The following DLEC1 variants were observed in gnomAD, a reference collection of about 807,000 sequenced individuals.
DLEC1 encodes the protein DLEC1 cilia and flagella associated protein.
DLEC1 carries 146 observed loss-of-function variants against 198.1 expected under a neutral mutation model. The ratio of observed to expected loss-of-function variants is 0.74; its 90% confidence interval spans 0.64 to 0.85. DLEC1 has a LOEUF of 0.85. DLEC1 is among the 40% of genes least tolerant of loss of function. The probability of loss-of-function intolerance (pLI) is 0.00; values close to 1 mark genes in which losing one functional copy is unlikely to be tolerated. For synonymous variants in DLEC1, 897 were observed against 866.8 expected (o/e 1.03, Z -0.61); for missense variants, 2,233 against 2,220.0 (o/e 1.01, Z -0.12).
At position 38,100,572 on chromosome 3, in the gene DLEC1, A is replaced by G. The variant is rs1288817206; in HGVS notation, c.2864+147A>G. 8 of 1,186,764 alleles carry G rather than the reference A, an allele frequency of 6.7e-6. No homozygotes were observed. In the African/African-American group the frequency reaches 7.8e-5, roughly 12 times the overall value. 73.5% of individuals were successfully genotyped at this position (1,186,764 alleles called of 1,614,324 possible). On this transcript the variant is annotated intron_variant, in intron 19 of 36. Coordinates refer to ENST00000308059, the MANE Select transcript of DLEC1 (RefSeq NM_007335.4). ...ATTCTATAAAATTTGTAAATTACAG[A>G]AAAGAAACTCAAAATGACGCATAAT...
At chr3:38,077,345 C>A (rs1697684411) in intron 6 of DLEC1, among the ~76,000 whole-genome samples, 1 of 152,182 alleles carries the variant, frequency 6.6e-6, no homozygotes, top group Non-Finnish European at 1.5e-5. Flanking sequence ...GGTCCAGTGT[C>A]TGGAATGAGA....
At chr3:38,062,859 A>T in intron 5 of DLEC1, 58 bp downstream of exon 5, 1 of 1,573,800 alleles carries the variant, frequency 6.4e-7, no homozygotes, top group South Asian at 1.1e-5. Context: ...GTTAACCTAG[A>T]TGGTCCTCCG....
chr3:38,072,121 T>C (rs1697351526), intron 6 of DLEC1, among the ~76,000 whole-genome samples: 1 of 152,084 alleles, frequency 6.6e-6, no homozygotes, highest in Admixed American at 6.5e-5. Context: ...ATCAGAGAGA[T>C]GCAGTCATGA....
Position 38,062,682 on chromosome 3 carries a change from C to T in DLEC1, c.975C>T (p.His325=). ...LLLARMESRN[H]FLKNPRFFPP... is the part of the protein sequence containing the mutation. Reference sequence around the variant, plus strand: ...TTGCCAGAATGGAGAGTCGGAACCACTTCCTAAAAAATCCCCGTTTTTTTC... The same window carrying T: ...TTGCCAGAATGGAGAGTCGGAACCATTTCCTAAAAAATCCCCGTTTTTTTC... The change falls in exon 5 of 37, where the codon CAC becomes CAT. Residue 325 remains histidine, a synonymous_variant. Coordinates refer to ENST00000308059, the MANE Select transcript of DLEC1 (RefSeq NM_007335.4). 1 of 1,614,134 alleles carries T rather than the reference C, an allele frequency of 6.2e-7. No individual in the cohort carries two copies. The highest frequency in any genetic ancestry group is 2.2e-5 in the East Asian group (1 of 44,884).
chr3:38,062,026 C>A, intron 3 of DLEC1, 143 bp from the exon 4 acceptor site: 1 of 776,522 alleles, frequency 1.3e-6, no homozygotes, highest in Non-Finnish European at 2.1e-6. Context: ...TGTTGAAGAG[C>A]AATTATAGCT....
intron 2 of DLEC1, among the ~76,000 whole-genome samples, chr3:38,050,494 A>G (rs1300402425): frequency 2.0e-5 from 3 of 152,036 alleles, no homozygotes; most frequent in Non-Finnish European, 2.9e-5. Flanking sequence ...TCATGGGGGA[A>G]GGCAAAGGGG....
Position 38,116,608 on chromosome 3 carries a change from T to G in DLEC1, c.4012T>G (p.Ser1338Ala). ...DTPEGGCLLW[S>A]PGPSSSSEFS... ...CCCTGAGGGTGGCTGCCTCCTCTGG[T>G]CCCCAGGCCCCTCCAGTTCATCGGA... The change falls in exon 28 of 37, where the codon TCC becomes GCC. Residue 1338 changes from serine (S) to alanine (A), a missense_variant. Ser to Ala is a moderately conservative substitution (Grantham distance 99). Transcript: ENST00000308059. 1 of 1,614,022 alleles carries G rather than the reference T, an allele frequency of 6.2e-7. No homozygotes were observed.
chr3:38,093,835 T>C lies in DLEC1; in HGVS notation c.1919+68T>C, dbSNP rs1007841475. The C allele has an allele frequency of 8.8e-6, 14 of 1,585,726 alleles. No homozygotes were observed. The Admixed American group carries it at 1.7e-4, about 19-fold the overall frequency. On this transcript the variant is annotated intron_variant, in intron 12 of 36. Transcript: ENST00000308059. ...TTGCTTACCTGGCCCTCAGTCCCAG[T>C]GAGACAGGAGGTCCTTCCAAGGGCC...
intron 6 of DLEC1, among the ~76,000 whole-genome samples, chr3:38,069,120 G>A (rs1479943883): frequency 6.6e-6 from 1 of 152,124 alleles, no homozygotes; most frequent in Admixed American, 6.5e-5. Context: ...TTTATCTTTG[G>A]GGAGTGGGAA....
chr3:38,118,448 A>G (rs1293967420), intron 33 of DLEC1, among the ~76,000 whole-genome samples: 2 of 152,198 alleles, frequency 1.3e-5, no homozygotes, highest in African/African-American at 4.8e-5. Context: ...CCATAATTGT[A>G]AGACACTCCA....
At chr3:38,069,963 T>C (rs1697229175) in intron 6 of DLEC1, among the ~76,000 whole-genome samples, 1 of 152,222 alleles carries the variant, frequency 6.6e-6, no homozygotes, top group Non-Finnish European at 1.5e-5. Context: ...ATTTCAACTT[T>C]ATCTGTAATG....
At chr3:38,039,911 C>T (rs570970952) in intron 1 of DLEC1, among the ~76,000 whole-genome samples, 2 of 152,352 alleles carry the variant, frequency 1.3e-5, no homozygotes, top group African/African-American at 4.8e-5. Flanking sequence ...TTGCATATAT[C>T]AATGAACGAC....
chr3:38,083,046 A>T (rs916833225), intron 6 of DLEC1, among the ~76,000 whole-genome samples: 3 of 151,836 alleles, frequency 2.0e-5, no homozygotes, highest in African/African-American at 7.3e-5. Flanking sequence ...ACCAAGATTG[A>T]AAGGAGAAAG....
intron 2 of DLEC1, 114 bp downstream of exon 2, chr3:38,045,807 G>T: frequency 1.8e-6 from 2 of 1,091,256 alleles, no homozygotes; most frequent in Non-Finnish European, 2.6e-6. Flanking sequence ...AGAGCAAGTC[G>T]CAGACATGAT....
At chr3:38,103,464 T>G (rs2125709633) in intron 19 of DLEC1, 1 of 152,374 alleles carries the variant, frequency 6.6e-6, no homozygotes, top group African/African-American at 2.4e-5. Flanking sequence ...CCTGATCACA[T>G]TATTTCTTTC....
chr3:38,039,594 C>T lies in DLEC1; in HGVS notation c.369C>T (p.Ser123=). The T allele has an allele frequency of 6.2e-7, 1 of 1,610,688 alleles. No individual in the cohort carries two copies. The highest frequency in any genetic ancestry group is 8.5e-7 in the Non-Finnish European group (1 of 1,177,928). ...CAAGCTTGATCAAGGCCCGCGGCAGCGAGAATGAGCGCCACGAGGAGTTCG... is the reference window on the plus strand; with the variant it reads ...CAAGCTTGATCAAGGCCCGCGGCAGTGAGAATGAGCGCCACGAGGAGTTCG... ...VSASLIKARG[S]ENERHEEFVD... is the part of the protein sequence containing the mutation. The change falls in exon 1 of 37, where the codon AGC becomes AGT. Residue 123 remains serine, a synonymous_variant. Transcript: ENST00000308059.
At chr3:38,066,129 T>C (rs1457333727) in intron 6 of DLEC1, among the ~76,000 whole-genome samples, 1 of 152,180 alleles carries the variant, frequency 6.6e-6, no homozygotes, top group Admixed American at 6.5e-5. Flanking sequence ...GGGATCTGGG[T>C]TTCCCATGAT....
At chr3:38,077,686 T>C (rs776893136) in intron 6 of DLEC1, among the ~76,000 whole-genome samples, 4 of 152,176 alleles carry the variant, frequency 2.6e-5, no homozygotes, top group African/African-American at 4.8e-5. Flanking sequence ...GATGGCCTTC[T>C]CAGACCCTGT....
At chr3:38,051,501 G>A (rs2125587856) in intron 2 of DLEC1, among the ~76,000 whole-genome samples, 1 of 152,336 alleles carries the variant, frequency 6.6e-6, no homozygotes, top group East Asian at 1.9e-4. Flanking sequence ...CAGGGGAGAG[G>A]CCAGAAGAGG....
Sources: allele counts gnomAD v4.1 joint callset (sites outside exome capture counted in the v4.1 genomes callset), GRCh38; gene constraint gnomAD v4.1.1; transcripts MANE v1.5; gene names NCBI Gene and HGNC (gene_info 2026-07-23, HGNC 2026-07-21).